ATP6V1H: variants seen among roughly 807,000 people sequenced by gnomAD.
ATP6V1H encodes V-type proton ATPase subunit H.
In ATP6V1H, 39 loss-of-function variants were observed where a neutral mutation model predicts 71.7. The observed-to-expected ratio is 0.54, with a 90% CI of 0.42 to 0.71. The LOEUF (loss-of-function observed/expected upper bound fraction) is 0.71. Ranked by LOEUF, ATP6V1H falls within the 30% of genes least tolerant of loss-of-function variation. The pLI is 0.00. For synonymous variants in ATP6V1H, 192 were observed against 199.3 expected, an observed-to-expected ratio of 0.96 and a Z score of 0.31; for missense variants, 509 against 594.9, an observed-to-expected ratio of 0.86 and a Z score of 1.50.
At chr8:53,784,545 T>C (rs1343210126) in intron 9 of ATP6V1H, among the ~76,000 whole-genome samples, 1 of 152,206 alleles carries the variant, frequency 6.6e-6, no homozygotes, top group Non-Finnish European at 1.5e-5. Flanking sequence ...ACATTGAAGG[T>C]TAATATTGTT....
rs191209587 is a variant in ATP6V1H at position 53,784,793 on chromosome 8, A to C, written c.870+10854T>G. Among the ~76,000 whole-genome samples, 804 of 152,284 alleles carry C rather than the reference A, an allele frequency of 5.3e-3. 4 individuals are homozygous for C. The highest frequency in any genetic ancestry group is 0.018 in the African/African-American group (764 of 41,544). On this transcript the variant is annotated intron_variant, in intron 9 of 13. Transcript: ENST00000359530. ...AAATGATTTTATTTCTCCTTCGCTT[A>C]TGAAGCTTAGTTTGGCTGGATATGA...
At chr8:53,834,592 A>G (rs947700004) in intron 2 of ATP6V1H, among the ~76,000 whole-genome samples, 1 of 151,518 alleles carries the variant, frequency 6.6e-6, no homozygotes, top group African/African-American at 2.4e-5. Context: ...CGCCCAGCTA[A>G]TTTTTTTATT....
rs113556769 is a variant in ATP6V1H at position 53,716,893 on chromosome 8, T to C, written c.1392-869A>G. On this transcript the variant is annotated intron_variant, in intron 13 of 13. Transcript: ENST00000359530. ...TTAGGAAGAAGAAAAAGAGGCTTTT[T>C]AAGAAAAAACTATTTAAAAGTTTTC... Among the ~76,000 whole-genome samples the C allele has an allele frequency of 2.3e-3, 350 of 152,344 alleles. 2 individuals are homozygous for C. The highest frequency in any genetic ancestry group is 8.0e-3 in the African/African-American group (331 of 41,578).
At chr8:53,819,037 C>A (rs892775311) in intron 4 of ATP6V1H, among the ~76,000 whole-genome samples, 9 of 151,782 alleles carry the variant, frequency 5.9e-5, no homozygotes, top group African/African-American at 1.9e-4. Flanking sequence ...GATACCCCAT[C>A]TCTACAAAAA....
chr8:53,827,808 T>C (rs1810871865), intron 4 of ATP6V1H, among the ~76,000 whole-genome samples: 1 of 152,118 alleles, frequency 6.6e-6, no homozygotes, highest in Non-Finnish European at 1.5e-5. Flanking sequence ...TTCCCCTCTT[T>C]GTGTCCATGT....
chr8:53,771,388 A>T (rs1808643464), intron 10 of ATP6V1H, among the ~76,000 whole-genome samples: 1 of 152,198 alleles, frequency 6.6e-6, no homozygotes, highest in Non-Finnish European at 1.5e-5. Context: ...AAAAAGAACA[A>T]GATCCAAAAG....
At chr8:53,722,097 T>C (rs1341461821) in intron 13 of ATP6V1H, among the ~76,000 whole-genome samples, 1 of 152,220 alleles carries the variant, frequency 6.6e-6, no homozygotes, top group Non-Finnish European at 1.5e-5. Context: ...AATCAAATCT[T>C]TTCCTTTTTA....
intron 13 of ATP6V1H, among the ~76,000 whole-genome samples, chr8:53,729,196 G>GC (rs1554553789): frequency 1.3e-5 from 2 of 150,928 alleles, no homozygotes; most frequent in Non-Finnish European, 1.5e-5. Context: ...AGTTTTTGTT[G>GC]TTTTTTTTTA....
intron 9 of ATP6V1H, among the ~76,000 whole-genome samples, chr8:53,775,355 G>A (rs1235764949): frequency 2.6e-5 from 4 of 152,184 alleles, no homozygotes; most frequent in African/African-American, 4.8e-5. Flanking sequence ...AGTGTGGAAG[G>A]GGACCGGAGC....
intron 4 of ATP6V1H, among the ~76,000 whole-genome samples, chr8:53,818,362 A>G (rs928086822): frequency 6.6e-6 from 1 of 152,170 alleles, no homozygotes; most frequent in Non-Finnish European, 1.5e-5. Flanking sequence ...ATACTTTTTA[A>G]AAGCACAAAT....
intron 13 of ATP6V1H, among the ~76,000 whole-genome samples, chr8:53,722,138 A>C (rs972134090): frequency 1.3e-5 from 2 of 152,238 alleles, no homozygotes; most frequent in African/African-American, 2.4e-5. Flanking sequence ...GCCACTAAAC[A>C]AAGTGTGCGT....
intron 11 of ATP6V1H, among the ~76,000 whole-genome samples, chr8:53,759,845 G>A (rs1216060739): frequency 2.6e-5 from 4 of 152,176 alleles, no homozygotes; most frequent in African/African-American, 7.2e-5. Flanking sequence ...AAAAGTGAGA[G>A]GGAAAAATTA....
chr8:53,783,276 T>G (rs1476946760), intron 9 of ATP6V1H, among the ~76,000 whole-genome samples: 7 of 152,146 alleles, frequency 4.6e-5, no homozygotes, highest in Non-Finnish European at 7.3e-5. Flanking sequence ...CTTGGGAGGG[T>G]GTATGTGTCT....
chr8:53,803,434 TAAGGA>T (rs923175744), intron 7 of ATP6V1H, among the ~76,000 whole-genome samples: 2 of 152,136 alleles, frequency 1.3e-5, no homozygotes, highest in African/African-American at 4.8e-5. Flanking sequence ...AAGAATTTCT[TAAGGA>T]AAGAATCACA....
chr8:53,841,734 T>A lies in ATP6V1H; in HGVS notation c.-35-9A>T. 6.2e-7 allele frequency: 1 copy of A among 1,604,384 alleles called. No individual in the cohort carries two copies. The highest frequency in any genetic ancestry group is 1.7e-5 in the Admixed American group (1 of 58,494). ...AATGTCTTTCAACAAATCTTCAATT[T>A]TGATGCAAGGTAAAAACAGAATACG... On this transcript the variant is annotated splice_polypyrimidine_tract_variant and intron_variant, in intron 1 of 13. Transcript: ENST00000359530.
chr8:53,782,342 T>G (rs886254522), intron 9 of ATP6V1H, among the ~76,000 whole-genome samples: 16 of 151,950 alleles, frequency 1.1e-4, no homozygotes, highest in Non-Finnish European at 8.8e-5. Flanking sequence ...GCTCTCTGTT[T>G]GTCTGTTACT....
At chr8:53,718,553 C>T (rs1166713971) in intron 13 of ATP6V1H, among the ~76,000 whole-genome samples, 2 of 152,062 alleles carry the variant, frequency 1.3e-5, no homozygotes, top group African/African-American at 4.8e-5. Flanking sequence ...CCATGCCTGG[C>T]TAATTTTTGT....
At chr8:53,751,686 T>TC (rs397955969) in intron 12 of ATP6V1H, among the ~76,000 whole-genome samples, 1 of 152,004 alleles carries the variant, frequency 6.6e-6, no homozygotes, top group Admixed American at 6.6e-5. Flanking sequence ...TTTTTTTTTT[T>TC]CGAGACAGAG....
chr8:53,834,259 C>T (rs1014467444), intron 2 of ATP6V1H, among the ~76,000 whole-genome samples: 5 of 152,142 alleles, frequency 3.3e-5, no homozygotes, highest in African/African-American at 1.2e-4. Context: ...AAAACAGCAA[C>T]TATGATACTA....
Sources: gnomAD v4.1 joint callset for allele counts (sites outside exome capture counted in the v4.1 genomes callset) on GRCh38, gnomAD v4.1.1 for gene constraint, MANE v1.5 for transcripts, NCBI Gene and HGNC (gene_info 2026-07-23, HGNC 2026-07-21) for gene names.